Variants in TATDN1 observed in about 807,000 individuals in gnomAD.
The protein encoded by TATDN1 is deoxyribonuclease TATDN1.
In TATDN1, 40 loss-of-function variants were observed where a neutral mutation model predicts 46.4. The observed-to-expected ratio is 0.86, with a 90% confidence interval of 0.67 to 1.12. TATDN1 has a LOEUF of 1.12. Among genes scored for constraint, TATDN1 ranks in the 50% most tolerant of loss-of-function variants. TATDN1 has a pLI of 0.00. For synonymous variants in TATDN1, 95 were observed against 105.6 expected (o/e 0.90, Z 0.62); for missense variants, 326 against 348.4 (o/e 0.94, Z 0.51).
At chr8:124,516,901 A>T (rs1819520491) in intron 4 of TATDN1, among the ~76,000 whole-genome samples, 1 of 152,202 alleles carries the variant, frequency 6.6e-6, no homozygotes, top group Admixed American at 6.5e-5. Context: ...AGCCCGAACC[A>T]TGGGAAAGGT....
At chr8:124,494,252 AT>A (rs1025756474) in intron 10 of TATDN1, 1 of 195,154 alleles carries the variant, frequency 5.1e-6, no homozygotes, top group African/African-American at 2.3e-5. Flanking sequence ...ACATGAAAAC[AT>A]TTAAGTTAAA....
intron 9 of TATDN1, among the ~76,000 whole-genome samples, chr8:124,501,562 T>A (rs1432250431): frequency 1.3e-5 from 2 of 152,026 alleles, no homozygotes; most frequent in Non-Finnish European, 2.9e-5. Context: ...AAACTATAAT[T>A]CATGTCTTTA....
chr8:124,506,959 C>T (rs1043764040), intron 8 of TATDN1, among the ~76,000 whole-genome samples: 3 of 151,924 alleles, frequency 2.0e-5, no homozygotes, highest in Admixed American at 6.6e-5. Context: ...GTCAAGAGAT[C>T]GAGACCATCC....
rs72713074 is a variant in TATDN1, at chr8:124,504,361, G to C, written c.517-14C>G. ...AAATGAATGCACCTGGGGACATACA[G>C]GTATAAGTTTATTATTATAATAATT... On this transcript the variant is annotated splice_polypyrimidine_tract_variant and intron_variant, in intron 8 of 11. Transcript: ENST00000276692. The C allele has an allele frequency of 0.07, 106,403 of 1,528,588 alleles. 6,611 individuals carry two copies. The highest frequency in any genetic ancestry group is 0.28 in the South Asian group (21,661 of 76,822). 94.7% of individuals were successfully genotyped at this position (1,528,588 alleles called of 1,614,324 possible).
intron 4 of TATDN1, among the ~76,000 whole-genome samples, chr8:124,517,805 T>C (rs560234923): frequency 1.3e-5 from 2 of 152,274 alleles, no homozygotes; most frequent in South Asian, 2.1e-4. Flanking sequence ...ATCTGGTCCA[T>C]CTAGTAAAAA....
chr8:124,525,071 C>G (rs1820367831), intron 1 of TATDN1, among the ~76,000 whole-genome samples: 1 of 152,172 alleles, frequency 6.6e-6, no homozygotes, highest in Non-Finnish European at 1.5e-5. Flanking sequence ...CACTTAAAGG[C>G]CATGCAGATG....
chr8:124,519,994 A>G (rs1412837644), intron 3 of TATDN1, among the ~76,000 whole-genome samples: 1 of 152,246 alleles, frequency 6.6e-6, no homozygotes, highest in Non-Finnish European at 1.5e-5. Flanking sequence ...CATTCTAGGT[A>G]CAACTTAGGG....
intron 1 of TATDN1, among the ~76,000 whole-genome samples, chr8:124,537,576 A>T (rs935111514): frequency 6.6e-6 from 1 of 152,200 alleles, no homozygotes; most frequent in African/African-American, 2.4e-5. Context: ...ACCAAAATGG[A>T]GTCTACATGG....
At chr8:124,497,584 G>A (rs989661193) in intron 9 of TATDN1, among the ~76,000 whole-genome samples, 1 of 152,180 alleles carries the variant, frequency 6.6e-6, no homozygotes. Context: ...ACCGTGACCA[G>A]CCTGCTCTCT....
In TATDN1 at chr8:124,518,842, C is replaced by G; in HGVS notation, c.178G>C (p.Ala60Pro). 1 of 1,611,222 alleles carries G rather than the reference C, an allele frequency of 6.2e-7. No individual in the cohort carries two copies. The highest frequency in any genetic ancestry group is 8.5e-7 in the Non-Finnish European group (1 of 1,178,140). The change falls in exon 4 of 12, where the codon GCA (alanine) becomes CCA (proline). Residue 60 changes from alanine (A) to proline (P), a missense_variant. By Grantham distance (27) the Ala-to-Pro change is conservative. Transcript: ENST00000276692. ...CCATTTGTTTGTGCCAAATGCAGTG[C>G]ATCTTTACTGTCTTGTAGATTTCCA... ...TGGNLQDSKD[A>P]LHLAQTNGMF...
chr8:124,490,550 G>A (rs1816896064), intron 11 of TATDN1, among the ~76,000 whole-genome samples: 1 of 151,964 alleles, frequency 6.6e-6, no homozygotes, highest in Non-Finnish European at 1.5e-5. Flanking sequence ...TTGGAGCTTA[G>A]GACATCCTAT....
chr8:124,501,948 C>CT (rs1030675761), intron 9 of TATDN1, among the ~76,000 whole-genome samples: 8 of 152,244 alleles, frequency 5.3e-5, no homozygotes, highest in African/African-American at 1.9e-4. Flanking sequence ...AGAGTAGCAA[C>CT]TTTTCATCAA....
intron 8 of TATDN1, among the ~76,000 whole-genome samples, chr8:124,506,334 C>CAAAAAA (rs56023168): frequency 4.3e-3 from 206 of 47,598 alleles, no homozygotes; most frequent in Middle Eastern, 0.021. Flanking sequence ...GGCTCTGTCT[C>CAAAAAA]AAAAAAAAAA....
chr8:124,492,201 CTGACCTCAGGTGATCCGCCTGCCT>C (rs1817066476), intron 11 of TATDN1, among the ~76,000 whole-genome samples: 2 of 152,230 alleles, frequency 1.3e-5, no homozygotes, highest in South Asian at 2.1e-4. Flanking sequence ...TCTCGAGCAC[CTGACCTCAGGTGATCCGCCTGCCT>C]TGGCCTCCCA....
chr8:124,499,059 T>C (rs1817725865), intron 9 of TATDN1, among the ~76,000 whole-genome samples: 1 of 151,626 alleles, frequency 6.6e-6, no homozygotes, highest in Admixed American at 6.6e-5. Context: ...GGACCATCAC[T>C]TGAACTCCTG....
chr8:124,513,331 A>C (rs538277848), intron 6 of TATDN1, among the ~76,000 whole-genome samples: 1 of 152,370 alleles, frequency 6.6e-6, no homozygotes, highest in South Asian at 2.1e-4. Flanking sequence ...CTCTGGAAGA[A>C]GCCAGTGTCA....
At chr8:124,501,891 CT>C (rs1177358159) in intron 9 of TATDN1, among the ~76,000 whole-genome samples, 3 of 152,174 alleles carry the variant, frequency 2.0e-5, no homozygotes, top group Non-Finnish European at 4.4e-5. Context: ...AAACTAAAAC[CT>C]TTCACAAGAG....
chr8:124,514,519 A>G (rs1819292126), intron 6 of TATDN1, among the ~76,000 whole-genome samples: 1 of 152,214 alleles, frequency 6.6e-6, no homozygotes, highest in African/African-American at 2.4e-5. Flanking sequence ...ATTCTACCTT[A>G]TTCATATTTC....
chr8:124,497,729 T>G (rs1048929746), intron 9 of TATDN1, among the ~76,000 whole-genome samples: 4 of 152,234 alleles, frequency 2.6e-5, no homozygotes, highest in East Asian at 3.8e-4. Context: ...GGTATTTTTG[T>G]GATCTAAGGC....
Sources: allele counts gnomAD v4.1 joint callset (sites outside exome capture counted in the v4.1 genomes callset), GRCh38; gene constraint gnomAD v4.1.1; transcripts MANE v1.5; gene names NCBI Gene and HGNC (gene_info 2026-07-23, HGNC 2026-07-21).